TSFM: variants seen among roughly 807,000 people sequenced by gnomAD.
TSFM encodes the protein Ts translation elongation factor, mitochondrial, also known as elongation factor Ts, mitochondrial.
TSFM carries 29 observed loss-of-function variants against 33.4 expected under a neutral mutation model. That is an observed-to-expected ratio of 0.87 (90% CI 0.65 to 1.18). TSFM has a LOEUF of 1.18. TSFM is among the 50% of genes most tolerant of loss of function. The probability of loss-of-function intolerance (pLI) is 0.00; values close to 1 mark genes in which losing one functional copy is unlikely to be tolerated. For synonymous variants in TSFM, 178 were observed against 163.5 expected (o/e 1.09, Z -0.68); for missense variants, 394 against 395.6 (o/e 1.00, Z 0.04).
rs1195254958 is a variant in TSFM, at chr12:57,796,288, A to G, written c.683A>G (p.Lys228Arg). 9 of 1,612,600 alleles carry G rather than the reference A, an allele frequency of 5.6e-6. No individual in the cohort carries two copies. Among genetic ancestry groups the G allele is most frequent in the Admixed American group, 1.7e-5 (1 of 59,714 alleles). Reference sequence around the variant, plus strand: ...GCAATGCAGAGTCCCTCACTTCACAAGCTGGTGCTGGGGAAGTATGGGGCC... The same window carrying G: ...GCAATGCAGAGTCCCTCACTTCACAGGCTGGTGCTGGGGAAGTATGGGGCC... ...HGAMQSPSLHKLVLGKYGALV... is the reference protein window; with the variant it reads ...HGAMQSPSLHRLVLGKYGALV... The change falls in exon 6 of 6, where the codon AAG becomes AGG. Residue 228 changes from lysine (K) to arginine (R), a missense_variant. By Grantham distance (26) the Lys-to-Arg change is conservative (BLOSUM62 2). Transcript: ENST00000652027.
At chr12:57,784,073 C>T (rs1428076745) in intron 2 of TSFM, 2 of 702,768 alleles carry the variant, frequency 2.8e-6, no homozygotes, top group South Asian at 1.5e-5. Context: ...GTATATTGTA[C>T]TACAACCTGG....
chr12:57,785,704 G>C (rs1955581799), intron 2 of TSFM, among the ~76,000 whole-genome samples: 1 of 152,178 alleles, frequency 6.6e-6, no homozygotes, highest in Non-Finnish European at 1.5e-5. Flanking sequence ...TGTACTATAT[G>C]TAATTGTATG....
chr12:57,792,015 T>C, intron 4 of TSFM: 1 of 272,240 alleles, frequency 3.7e-6, no homozygotes, highest in Non-Finnish European at 7.6e-6. Flanking sequence ...CTGAAGCAGG[T>C]GGATCACTTG....
At chr12:57,802,022 A>C, downstream of TSFM, 1 of 978,418 alleles carries the variant, frequency 1.0e-6, no homozygotes, top group East Asian at 2.6e-5. Flanking sequence ...GAAAAGTAAA[A>C]GGCAGGGAGT....
chr12:57,796,395 G>T lies in TSFM; in HGVS notation c.790G>T (p.Ala264Ser). ...CCTTGGGCAGCATGTGGTGGGCATG[G>T]CCCCCCTCTCTGTTGGCTCCCTGGA... ...RRLGQHVVGM[A>S]PLSVGSLDDE... The change falls in exon 6 of 6, where the codon GCC becomes TCC. Residue 264 changes from alanine (A) to serine (S), a missense_variant. By Grantham distance (99) the Ala-to-Ser change is moderately conservative (BLOSUM62 1). Transcript: ENST00000652027. The T allele has an allele frequency of 2.5e-6, 4 of 1,602,368 alleles. No individual in the cohort carries two copies. Among genetic ancestry groups the T allele is most frequent in the Non-Finnish European group, 3.4e-6 (4 of 1,174,318 alleles).
At chr12:57,802,120 C>G (rs1955860461), downstream of TSFM, 1 of 1,604,434 alleles carries the variant, frequency 6.2e-7, no homozygotes, top group Non-Finnish European at 8.5e-7. Context: ...TTCTGAGCTA[C>G]CTGGCAGGAA....
chr12:57,791,289 C>T (rs1017437349), intron 4 of TSFM, among the ~76,000 whole-genome samples: 3 of 152,162 alleles, frequency 2.0e-5, no homozygotes, highest in African/African-American at 7.2e-5. Context: ...AGATTACAGG[C>T]GTGGGCCACC....
At position 57,782,790 on chromosome 12, in the gene TSFM, G is replaced by C; in HGVS notation, c.-12G>C. 1 of 1,585,280 alleles carries C rather than the reference G, an allele frequency of 6.3e-7. No homozygotes were observed. Among genetic ancestry groups the C allele is most frequent in the Non-Finnish European group, 8.6e-7 (1 of 1,166,436 alleles). On this transcript the variant is annotated 5_prime_UTR_variant, in exon 1 of 6. Transcript: ENST00000652027. ...GTGCGCCCGCCGGAGGGTGTTTATC[G>C]CGGCTAGAGAGATGTCGCTGCTGCG...
downstream of TSFM, chr12:57,799,987 A>G (rs1173357585): frequency 2.5e-6 from 4 of 1,581,034 alleles, no homozygotes; most frequent in East Asian, 9.0e-5. Flanking sequence ...ACAGTTCTGA[A>G]TGTGTATAAT....
At chr12:57,790,088 G>T (rs1228767748) in intron 4 of TSFM, among the ~76,000 whole-genome samples, 3 of 114,696 alleles carry the variant, frequency 2.6e-5, no homozygotes, top group Non-Finnish European at 5.1e-5. Flanking sequence ...TTTTGAGACA[G>T]AGTGTTGCTG....
At chr12:57,789,072 C>T (rs971413730) in intron 4 of TSFM, among the ~76,000 whole-genome samples, 9 of 150,510 alleles carry the variant, frequency 6.0e-5, no homozygotes, top group African/African-American at 2.2e-4. Flanking sequence ...AGCGATTCTT[C>T]CACCTCAGCC....
chr12:57,796,464 C>T lies in TSFM; in HGVS notation c.859C>T (p.Pro287Ser). 6.3e-7 allele frequency: 1 copy of T among 1,595,470 alleles called. No homozygotes were observed. The highest frequency in any genetic ancestry group is 8.5e-7 in the Non-Finnish European group (1 of 1,169,926). Reference sequence around the variant, plus strand: ...GGCAGAGACTAAGATGCTGTCCCAGCCGTATTTGCTGGATCCCTCCATTAC... The same window carrying T: ...GGCAGAGACTAAGATGCTGTCCCAGTCGTATTTGCTGGATCCCTCCATTAC... ...GEAETKMLSQ[P>S]YLLDPSITLG... The change falls in exon 6 of 6, where the codon CCG (proline) becomes TCG (serine). Residue 287 changes from proline (P) to serine (S), a missense_variant. Physicochemically the swap from Pro to Ser is moderately conservative, Grantham distance 74. This residue lies in a region of TSFM where 186 missense variants were observed against 198.8 expected (regional missense o/e 0.94). Transcript: ENST00000652027.
Position 57,797,486 on chromosome 12 carries a change from C to T in TSFM, c.*903C>T. On this transcript the variant is annotated 3_prime_UTR_variant, in exon 6 of 6. Coordinates refer to ENST00000652027, the MANE Select transcript of TSFM (RefSeq NM_005726.6). ...GTGCATATATGATTTCAATGATTTA[C>T]AGGCTAAATAGATTTTAGAAATAAT... The T allele has an allele frequency of 1.0e-6, 1 of 979,996 alleles. No individual in the cohort carries two copies. 60.7% of individuals were successfully genotyped at this position (979,996 alleles called of 1,614,324 possible).
downstream of TSFM, among the ~76,000 whole-genome samples, chr12:57,799,045 T>A (rs1289061883): frequency 6.6e-6 from 1 of 152,174 alleles, no homozygotes; most frequent in East Asian, 1.9e-4. Flanking sequence ...CAAACAAAGG[T>A]CCTTCCTTTT....
downstream of TSFM, chr12:57,802,683 T>G (rs1240978696): frequency 9.6e-6 from 6 of 626,870 alleles, no homozygotes; most frequent in Non-Finnish European, 1.7e-5. Flanking sequence ...TCTTCTTTAC[T>G]AAACTTGTAT....
chr12:57,791,935 T>C (rs1221645928), intron 4 of TSFM: 3 of 380,996 alleles, frequency 7.9e-6, no homozygotes, highest in African/African-American at 4.3e-5. Flanking sequence ...TAACATTTTA[T>C]GATTTTATGA....
chr12:57,791,376 C>CA (rs543630716), intron 4 of TSFM, among the ~76,000 whole-genome samples: 53 of 151,290 alleles, frequency 3.5e-4, no homozygotes, highest in Middle Eastern at 3.4e-3. Context: ...TTAAAACTGT[C>CA]AAAAAAAAAG....
chr12:57,790,623 A>G (rs984848125), intron 4 of TSFM, among the ~76,000 whole-genome samples: 1 of 152,070 alleles, frequency 6.6e-6, no homozygotes, highest in African/African-American at 2.4e-5. Flanking sequence ...TTGTCTTTAC[A>G]TTGAAGTTAG....
chr12:57,798,825 C>A (rs928745057), downstream of TSFM, among the ~76,000 whole-genome samples: 2 of 152,034 alleles, frequency 1.3e-5, no homozygotes, highest in Non-Finnish European at 2.9e-5. Flanking sequence ...CCATATTGGC[C>A]AGGCCAGTCT....
Sources: gnomAD v4.1 joint callset for allele counts (sites outside exome capture counted in the v4.1 genomes callset) on GRCh38, gnomAD v4.1.1 for gene constraint, gnomAD v4.1.1 regional missense constraint, MANE v1.5 for transcripts, NCBI Gene and HGNC (gene_info 2026-07-23, HGNC 2026-07-21) for gene names.